The following SIPA1L1 variants were observed in gnomAD, a reference collection of about 807,000 sequenced individuals.
The protein encoded by SIPA1L1 is signal-induced proliferation-associated 1-like protein 1.
SIPA1L1 carries 26 observed loss-of-function variants against 162.7 expected under a neutral mutation model. The observed-to-expected ratio is 0.16, with a 90% CI of 0.12 to 0.22. SIPA1L1 has a LOEUF of 0.22. Ranked by LOEUF, SIPA1L1 falls within the 10% of genes least tolerant of loss-of-function variation. The pLI is 1.00. For missense variants in SIPA1L1, 1,874 were observed against 2,241.0 expected, an observed-to-expected ratio of 0.84 and a Z score of 3.31; for synonymous variants, 829 against 837.4, an observed-to-expected ratio of 0.99 and a Z score of 0.17.
intron 17 of SIPA1L1, among the ~76,000 whole-genome samples, chr14:71,713,242 A>G (rs2083012384): frequency 6.6e-6 from 1 of 152,242 alleles, no homozygotes; most frequent in Admixed American, 6.5e-5. Context: ...GACTCAAACC[A>G]GTTCAAAAGT....
intron 2 of SIPA1L1, among the ~76,000 whole-genome samples, chr14:71,512,038 T>G (rs980634415): frequency 6.6e-6 from 1 of 152,214 alleles, no homozygotes; most frequent in African/African-American, 2.4e-5. Flanking sequence ...TTGTGAGTCC[T>G]TCTAGGAAAT....
At chr14:71,690,163 A>T (rs2149641565) in intron 13 of SIPA1L1, among the ~76,000 whole-genome samples, 1 of 152,270 alleles carries the variant, frequency 6.6e-6, no homozygotes, top group Admixed American at 6.5e-5. Context: ...TGCCATGAGG[A>T]TCCTGAAATC....
intron 4 of SIPA1L1, among the ~76,000 whole-genome samples, chr14:71,547,434 C>T (rs1211962577): frequency 2.0e-5 from 3 of 150,970 alleles, no homozygotes; most frequent in African/African-American, 7.3e-5. Context: ...GCTGGGATTA[C>T]AAGTGTGCAC....
intron 2 of SIPA1L1, among the ~76,000 whole-genome samples, chr14:71,355,364 T>C (rs935748250): frequency 6.6e-6 from 1 of 152,236 alleles, no homozygotes; most frequent in African/African-American, 2.4e-5. Flanking sequence ...TTGCCTGATG[T>C]GTCTGTGGTT....
At chr14:71,647,802 C>T (rs2149035561) in intron 7 of SIPA1L1, among the ~76,000 whole-genome samples, 1 of 152,268 alleles carries the variant, frequency 6.6e-6, no homozygotes, top group South Asian at 2.1e-4. Context: ...CCTGTGGGAG[C>T]GTTCCCTTCT....
At chr14:71,716,590 A>C (rs921378843) in intron 17 of SIPA1L1, among the ~76,000 whole-genome samples, 3 of 152,192 alleles carry the variant, frequency 2.0e-5, no homozygotes, top group Non-Finnish European at 4.4e-5. Context: ...AGGAATTCAC[A>C]GTGGTCTCCC....
Position 71,652,582 on chromosome 14 carries a change from G to C in SIPA1L1, c.1993+2073G>C. 1.3e-5 allele frequency among the ~76,000 whole-genome samples: 2 copies of C among 150,122 alleles called. 1 individual carries two copies. Among genetic ancestry groups the C allele is most frequent in the Non-Finnish European group, 3.0e-5 (2 of 67,724 alleles). On this transcript the variant is annotated intron_variant, in intron 8 of 23. Transcript: ENST00000381232. ...TCTCTGAGACTCCAATTACACATAT[G>C]TTATATCACTCACTGGTGTACCACA...
chr14:71,624,295 A>G, intron 7 of SIPA1L1, 59 bp downstream of exon 7: 1 of 1,385,714 alleles, frequency 7.2e-7, no homozygotes, highest in Non-Finnish European at 9.9e-7. Context: ...GGCTTCCGGA[A>G]TACAGACCTT....
intron 23 of SIPA1L1, among the ~76,000 whole-genome samples, chr14:71,738,581 C>T (rs767211284): frequency 2.0e-5 from 3 of 152,146 alleles, no homozygotes; most frequent in East Asian, 1.9e-4. Context: ...GGTCCTCTCC[C>T]GGCCTCCCCA....
chr14:71,384,333 G>A (rs1439930361), intron 2 of SIPA1L1, among the ~76,000 whole-genome samples: 3 of 152,160 alleles, frequency 2.0e-5, no homozygotes, highest in Admixed American at 6.5e-5. Context: ...ATGAAGGAGG[G>A]AGATTATTCT....
At chr14:71,653,275 C>A (rs940042978) in intron 8 of SIPA1L1, among the ~76,000 whole-genome samples, 4 of 152,154 alleles carry the variant, frequency 2.6e-5, no homozygotes, top group Non-Finnish European at 4.4e-5. Flanking sequence ...TGTCTCCCAA[C>A]CCAGTGTGAA....
chr14:71,719,972 C>G lies in SIPA1L1; in HGVS notation c.4209-3675C>G, dbSNP rs1313613037. On this transcript the variant is annotated intron_variant, in intron 17 of 23. Transcript: ENST00000381232. ...CACTGTAAATATGTTATCCCCCACT[C>G]TGTGGGCCTGTAAGGTTTCCACCAG... Among the ~76,000 whole-genome samples the G allele has an allele frequency of 2.0e-5, 3 of 152,236 alleles. No homozygotes were observed. The East Asian group carries it at 5.8e-4, about 29-fold the overall frequency.
At chr14:71,511,565 A>C (rs2144366151) in intron 2 of SIPA1L1, among the ~76,000 whole-genome samples, 1 of 152,262 alleles carries the variant, frequency 6.6e-6, no homozygotes, top group East Asian at 1.9e-4. Context: ...TTGGGATTGC[A>C]GGCATGAGCC....
chr14:71,649,906 A>G (rs1400754054), intron 7 of SIPA1L1, among the ~76,000 whole-genome samples: 1 of 152,150 alleles, frequency 6.6e-6, no homozygotes, highest in East Asian at 1.9e-4. Flanking sequence ...AGTGCAAAAC[A>G]GTTTATTTTA....
At chr14:71,658,731 A>G (rs1311834301) in intron 9 of SIPA1L1, among the ~76,000 whole-genome samples, 1 of 152,246 alleles carries the variant, frequency 6.6e-6, no homozygotes, top group Non-Finnish European at 1.5e-5. Flanking sequence ...ATTGGTGATT[A>G]CATGACTCTG....
At chr14:71,433,989 A>G (rs370169418) in intron 2 of SIPA1L1, among the ~76,000 whole-genome samples, 1 of 152,236 alleles carries the variant, frequency 6.6e-6, no homozygotes, top group East Asian at 1.9e-4. Context: ...AGTGAGAATT[A>G]CTTCACTTCT....
intron 12 of SIPA1L1, among the ~76,000 whole-genome samples, chr14:71,681,876 T>C (rs1203090658): frequency 6.6e-6 from 1 of 152,158 alleles, no homozygotes; most frequent in Admixed American, 6.5e-5. Flanking sequence ...AGTAAGGAGA[T>C]GGAGTAGCTT....
chr14:71,689,262 A>G (rs1206236505), intron 13 of SIPA1L1, among the ~76,000 whole-genome samples: 1 of 152,230 alleles, frequency 6.6e-6, no homozygotes, highest in African/African-American at 2.4e-5. Flanking sequence ...AAGAATTGAT[A>G]ATCCATTTGG....
chr14:71,529,644 A>G lies in SIPA1L1; in HGVS notation c.-303+274A>G, dbSNP rs554681313. Among the ~76,000 whole-genome samples the G allele has an allele frequency of 5.9e-5, 9 of 152,336 alleles. No individual in the cohort carries two copies. The East Asian group carries it at 1.5e-3, about 26-fold the overall frequency. On this transcript the variant is annotated intron_variant, in intron 4 of 23. Coordinates refer to ENST00000381232, the MANE Select transcript of SIPA1L1 (RefSeq NM_001386936.1). ...GACTGAACATTAGGGTTGGATCCAT[A>G]TCATGCGTTGCATCTATTCCTCATG...
Sources: gnomAD v4.1 joint callset for allele counts (sites outside exome capture counted in the v4.1 genomes callset) on GRCh38, gnomAD v4.1.1 for gene constraint, MANE v1.5 for transcripts, NCBI Gene and HGNC (gene_info 2026-07-23, HGNC 2026-07-21) for gene names.